FCHSD2: variants seen among roughly 807,000 people sequenced by gnomAD.
FCHSD2 encodes F-BAR and double SH3 domains protein 2.
In FCHSD2, 38 loss-of-function variants were observed where a neutral mutation model predicts 108.1. The observed-to-expected ratio is 0.35, with a 90% CI of 0.27 to 0.46. The LOEUF (loss-of-function observed/expected upper bound fraction) is 0.46, where lower values mean the gene tolerates loss of function less well. FCHSD2 is among the 20% of genes least tolerant of loss of function. The pLI is 1.00. For synonymous variants in FCHSD2, 279 were observed against 314.7 expected (o/e 0.89, Z 1.20); for missense variants, 751 against 897.8 (o/e 0.84, Z 2.09).
At chr11:73,120,547 T>C (rs1860707212) in intron 2 of FCHSD2, among the ~76,000 whole-genome samples, 1 of 151,894 alleles carries the variant, frequency 6.6e-6, no homozygotes, top group South Asian at 2.1e-4. Flanking sequence ...CTGACCAACA[T>C]GGTGAAACCC....
intron 8 of FCHSD2, among the ~76,000 whole-genome samples, chr11:72,959,561 C>T (rs1383712752): frequency 6.6e-6 from 1 of 152,068 alleles, no homozygotes; most frequent in Non-Finnish European, 1.5e-5. Flanking sequence ...CAGAAAGGCT[C>T]AGTCTACTCT....
intron 13 of FCHSD2, among the ~76,000 whole-genome samples, chr11:72,853,657 C>A (rs1861351009): frequency 6.6e-6 from 1 of 151,900 alleles, no homozygotes; most frequent in Admixed American, 6.6e-5. Context: ...TCAGGCAATC[C>A]CCCCACCTCA....
chr11:72,905,294 G>T (rs1400167222), intron 9 of FCHSD2, among the ~76,000 whole-genome samples: 1 of 151,574 alleles, frequency 6.6e-6, no homozygotes, highest in East Asian at 1.9e-4. Context: ...AATCTCTGTG[G>T]GTATATAGTA....
At chr11:72,854,171 G>A (rs926200910) in intron 13 of FCHSD2, among the ~76,000 whole-genome samples, 8 of 152,168 alleles carry the variant, frequency 5.3e-5, no homozygotes, top group Admixed American at 2.6e-4. Context: ...ACAGTAACAT[G>A]TTTCTTCAAT....
chr11:72,975,228 T>G (rs1035431289), intron 8 of FCHSD2, among the ~76,000 whole-genome samples: 1 of 152,186 alleles, frequency 6.6e-6, no homozygotes, highest in Non-Finnish European at 1.5e-5. Context: ...CTGACGGACA[T>G]TTAGGTTGAT....
At chr11:72,882,345 A>T (rs1855107826) in intron 12 of FCHSD2, among the ~76,000 whole-genome samples, 1 of 152,076 alleles carries the variant, frequency 6.6e-6, no homozygotes, top group Non-Finnish European at 1.5e-5. Context: ...GTGACAGAGC[A>T]AGACTTCGTC....
chr11:72,912,603 G>T (rs1463479475), intron 9 of FCHSD2, among the ~76,000 whole-genome samples: 1 of 152,092 alleles, frequency 6.6e-6, no homozygotes, highest in African/African-American at 2.4e-5. Context: ...ATGTGTCTTT[G>T]TCTGATTTTG....
chr11:73,128,406 G>A (rs933697074), intron 2 of FCHSD2, among the ~76,000 whole-genome samples: 2 of 151,994 alleles, frequency 1.3e-5, no homozygotes, highest in Non-Finnish European at 2.9e-5. Flanking sequence ...TTTGTTTGTT[G>A]GCAAGGACCT....
chr11:73,033,116 G>A lies in FCHSD2; in HGVS notation c.166-17231C>T, dbSNP rs543560585. ...ATCCTGGCTAACATGGTGAAACCCC[G>A]TCTCTACTAAAAATATAAAAAATTA... On this transcript the variant is annotated intron_variant, in intron 3 of 19. Transcript: ENST00000409418. Among the ~76,000 whole-genome samples, 18 of 151,886 alleles carry A rather than the reference G, an allele frequency of 1.2e-4. No individual in the cohort carries two copies. In the East Asian group the frequency reaches 3.1e-3, roughly 26 times the overall value.
chr11:73,140,321 C>A (rs1447816397), intron 1 of FCHSD2, among the ~76,000 whole-genome samples, 193 bp from the exon 2 acceptor site: 1 of 152,084 alleles, frequency 6.6e-6, no homozygotes, highest in African/African-American at 2.4e-5. Flanking sequence ...ATAGCCTGAA[C>A]AGAGGTTAAA....
chr11:73,139,935 AAAGG>A (rs1476605306), intron 2 of FCHSD2, 92 bp downstream of exon 2: 1 of 654,484 alleles, frequency 1.5e-6, no homozygotes, highest in African/African-American at 1.9e-5. Flanking sequence ...AGGAAATCCA[AAAGG>A]AAATTCCATC....
Position 72,838,502 on chromosome 11 carries a change from T to C in FCHSD2, c.*289A>G, listed in dbSNP as rs1591324791. ...ATGAGGCCTGTTCTTGAGTCTCATATAAAAACAGACCACTGTTAGGCATGA... is the reference window on the plus strand; with the variant it reads ...ATGAGGCCTGTTCTTGAGTCTCATACAAAAACAGACCACTGTTAGGCATGA... On this transcript the variant is annotated 3_prime_UTR_variant, in exon 20 of 20. Coordinates refer to ENST00000409418, the MANE Select transcript of FCHSD2 (RefSeq NM_014824.3). 2.2e-6 allele frequency: 1 copy of C among 463,008 alleles called. No homozygotes were observed. Among genetic ancestry groups the C allele is most frequent in the East Asian group, 4.0e-5 (1 of 25,156 alleles). The allele number at this position is 463,008 out of a possible 1,614,324, so 28.7% of individuals were successfully genotyped here. A position where few individuals can be genotyped will look rare whatever the true frequency, so the allele number is the denominator to read the frequency against.
chr11:72,862,425 A>C (rs1250306250), intron 13 of FCHSD2, among the ~76,000 whole-genome samples: 2 of 152,256 alleles, frequency 1.3e-5, no homozygotes, highest in Non-Finnish European at 2.9e-5. Context: ...TACAACAATC[A>C]ACTGTATTTT....
intron 3 of FCHSD2, among the ~76,000 whole-genome samples, chr11:73,048,264 A>G (rs1401275175): frequency 6.6e-6 from 1 of 152,142 alleles, no homozygotes; most frequent in Non-Finnish European, 1.5e-5. Context: ...CCCTCAGCTC[A>G]TGCCATGTAC....
chr11:72,984,969 A>G, intron 7 of FCHSD2, 93 bp downstream of exon 7: 1 of 617,306 alleles, frequency 1.6e-6, no homozygotes, highest in Non-Finnish European at 3.0e-6. Flanking sequence ...TCTCTAAGGT[A>G]GAAATAATCC....
chr11:73,061,208 G>T (rs924551429), intron 3 of FCHSD2, among the ~76,000 whole-genome samples: 1 of 152,162 alleles, frequency 6.6e-6, no homozygotes, highest in Non-Finnish European at 1.5e-5. Context: ...AAGCACAAAG[G>T]GTCAGGGAAT....
chr11:72,867,833 C>T (rs760296058), intron 13 of FCHSD2, 32 bp downstream of exon 13: 3 of 1,588,228 alleles, frequency 1.9e-6, no homozygotes, highest in Non-Finnish European at 1.7e-6. Flanking sequence ...CAGTGAAAAT[C>T]AACTTGTCAT....
intron 9 of FCHSD2, among the ~76,000 whole-genome samples, chr11:72,910,613 T>C (rs1332808649): frequency 6.6e-6 from 1 of 152,160 alleles, no homozygotes; most frequent in African/African-American, 2.4e-5. Flanking sequence ...GTTAAACAGA[T>C]GCCTGAAGGC....
intron 3 of FCHSD2, among the ~76,000 whole-genome samples, chr11:73,070,960 T>C (rs1303015893): frequency 3.9e-5 from 6 of 152,192 alleles, no homozygotes; most frequent in Non-Finnish European, 1.5e-5. Flanking sequence ...AGTTGCAAAC[T>C]GGCATCCTTC....
Sources: allele counts gnomAD v4.1 joint callset (sites outside exome capture counted in the v4.1 genomes callset), GRCh38; gene constraint gnomAD v4.1.1; transcripts MANE v1.5; gene names NCBI Gene and HGNC (gene_info 2026-07-23, HGNC 2026-07-21).